Variants in CACNA1E observed in about 807,000 individuals in gnomAD.
CACNA1E encodes calcium voltage-gated channel subunit alpha1 E.
A neutral mutation model predicts 259.2 loss-of-function variants in CACNA1E; 40 were observed. The ratio of observed to expected loss-of-function variants is 0.15; its 90% CI spans 0.12 to 0.20. CACNA1E has a LOEUF of 0.20. CACNA1E is among the 10% of genes least tolerant of loss of function. The pLI is 1.00. For synonymous variants in CACNA1E, 1,104 were observed against 1,138.5 expected (o/e 0.97, Z 0.61); for missense variants, 1,874 against 3,040.1 (o/e 0.62, Z 9.02).
chr1:181,686,275 G>GTTTTTTTTTTTTT lies in CACNA1E; in HGVS notation c.1056-24663_1056-24651dup, dbSNP rs66526388. Among the ~76,000 whole-genome samples the GTTTTTTTTTTTTT allele has an allele frequency of 1.2e-3, 73 of 58,664 alleles. 1 individual carries two copies. Among genetic ancestry groups the GTTTTTTTTTTTTT allele is most frequent in the Non-Finnish European group, 1.5e-3 (47 of 31,664 alleles). 38.5% of individuals were successfully genotyped at this position (58,664 alleles called of 152,430 possible). A position where few individuals can be genotyped will look rare whatever the true frequency, so the allele number is the denominator to read the frequency against. On this transcript the variant is annotated intron_variant, in intron 7 of 47. Coordinates refer to ENST00000367573, the MANE Select transcript of CACNA1E (RefSeq NM_001205293.3). ...AGGCTTGGAGGCCAGTAAGAACCAA[G>GTTTTTTTTTTTTT]TTTTTTTTTTTTTTTTTTTTTTTTT... is the stretch of plus-strand genomic sequence containing the variant.
intron 6 of CACNA1E, among the ~76,000 whole-genome samples, chr1:181,648,578 A>C (rs1658491187): frequency 6.6e-6 from 1 of 152,202 alleles, no homozygotes; most frequent in Admixed American, 6.5e-5. Context: ...AGAAAATATA[A>C]TCTGCTGTTT....
chr1:181,714,455 T>C (rs1572680074), intron 8 of CACNA1E, among the ~76,000 whole-genome samples: 1 of 152,256 alleles, frequency 6.6e-6, no homozygotes, highest in East Asian at 1.9e-4. Flanking sequence ...ACATTTAGCA[T>C]GCCCATCATT....
chr1:181,613,976 G>A (rs558823940), intron 6 of CACNA1E, among the ~76,000 whole-genome samples: 1 of 151,958 alleles, frequency 6.6e-6, no homozygotes, highest in East Asian at 1.9e-4. Flanking sequence ...ATCCTTTGCT[G>A]GCATTAAAGT....
intron 37 of CACNA1E, among the ~76,000 whole-genome samples, chr1:181,773,824 G>A (rs1659735130): frequency 6.6e-6 from 1 of 152,204 alleles, no homozygotes; most frequent in African/African-American, 2.4e-5. Context: ...AGATATAACT[G>A]GAAATTAATT....
At chr1:181,632,371 A>G (rs1389276821) in intron 6 of CACNA1E, among the ~76,000 whole-genome samples, 1 of 152,120 alleles carries the variant, frequency 6.6e-6, no homozygotes, top group East Asian at 1.9e-4. Flanking sequence ...AAGTGCTGCC[A>G]CTGGCTCTCT....
At chr1:181,428,770 G>A (rs67286802) in intron 2 of CACNA1E, among the ~76,000 whole-genome samples, 60,298 of 151,680 alleles carry the variant, frequency 0.4, 12,224 homozygotes, top group African/African-American at 0.46. Context: ...GACTGATTGC[G>A]TATCAATATT....
At chr1:181,514,639 G>A (rs904179256) in intron 3 of CACNA1E, among the ~76,000 whole-genome samples, 3 of 151,958 alleles carry the variant, frequency 2.0e-5, no homozygotes, top group Non-Finnish European at 4.4e-5. Flanking sequence ...TGCACAGGAG[G>A]AATGACAGGT....
intron 3 of CACNA1E, among the ~76,000 whole-genome samples, chr1:181,548,103 C>G (rs901562156): frequency 5.3e-5 from 8 of 150,860 alleles, no homozygotes; most frequent in African/African-American, 1.9e-4. Context: ...ATACTTTCCC[C>G]TCTGTTCCCA....
At chr1:181,523,477 G>C (rs1387661452) in intron 3 of CACNA1E, among the ~76,000 whole-genome samples, 1 of 152,066 alleles carries the variant, frequency 6.6e-6, no homozygotes, top group Non-Finnish European at 1.5e-5. Context: ...TAAGAATTTG[G>C]GCTTCATAGA....
chr1:181,457,585 G>A (rs953469247), intron 2 of CACNA1E, among the ~76,000 whole-genome samples: 1 of 152,192 alleles, frequency 6.6e-6, no homozygotes, highest in African/African-American at 2.4e-5. Flanking sequence ...TGCAGGGGGA[G>A]CCTAGCAGAT....
Position 181,717,153 on chromosome 1 carries a change from G to C in CACNA1E, c.1376G>C (p.Arg459Pro). The C allele has an allele frequency of 3.1e-6, 5 of 1,613,988 alleles. No homozygotes were observed. The highest frequency in any genetic ancestry group is 4.2e-6 in the Non-Finnish European group (5 of 1,179,894). ...AAGGTAGACGGGGTCTCTTATTTCCGGCACAAGGAAAGGCTTCTGCGCATC... is the reference window on the plus strand; with the variant it reads ...AAGGTAGACGGGGTCTCTTATTTCCCGCACAAGGAAAGGCTTCTGCGCATC... ...SAKVDGVSYFRHKERLLRISI... is the reference protein window; with the variant it reads ...SAKVDGVSYFPHKERLLRISI... Residue 459 changes from arginine to proline, a missense_variant, in exon 11 of 48, where the codon CGG becomes CCG. Arg to Pro is a moderately radical substitution (Grantham distance 103, BLOSUM62 -2). This residue lies in a region of CACNA1E where 157 missense variants were observed against 203.5 expected (regional missense o/e 0.77). Transcript: ENST00000367573.
chr1:181,590,237 G>A (rs1327167174), intron 6 of CACNA1E, among the ~76,000 whole-genome samples: 2 of 151,648 alleles, frequency 1.3e-5, no homozygotes, highest in Non-Finnish European at 2.9e-5. Context: ...CCTTTAAGGT[G>A]CCAGGTACTA....
At chr1:181,688,040 AAT>A (rs1044414952) in intron 7 of CACNA1E, among the ~76,000 whole-genome samples, 2 of 152,000 alleles carry the variant, frequency 1.3e-5, no homozygotes, top group Non-Finnish European at 2.9e-5. Context: ...TACACAAAAG[AAT>A]ATATATATAT....
Position 181,648,364 on chromosome 1 carries a change from G to A in CACNA1E, c.952-2974G>A, listed in dbSNP as rs968529580. ...AATGCTGAATCAAAAGACACTGCTCGTCATTGGTTTTTTATAGAATTGAGA... is the reference window on the plus strand; with the variant it reads ...AATGCTGAATCAAAAGACACTGCTCATCATTGGTTTTTTATAGAATTGAGA... On this transcript the variant is annotated intron_variant, in intron 6 of 47. Transcript: ENST00000367573. 3.3e-5 allele frequency among the ~76,000 whole-genome samples: 5 copies of A among 152,168 alleles called. No homozygotes were observed. In the South Asian group the frequency reaches 8.3e-4, roughly 25 times the overall value.
intron 3 of CACNA1E, among the ~76,000 whole-genome samples, chr1:181,560,364 C>G (rs1422739681): frequency 6.6e-6 from 1 of 151,850 alleles, no homozygotes; most frequent in Non-Finnish European, 1.5e-5. Context: ...ATCACTGTTA[C>G]CATTTTGGTA....
At chr1:181,797,902 T>C (rs1412958635) in intron 47 of CACNA1E, among the ~76,000 whole-genome samples, 2 of 152,188 alleles carry the variant, frequency 1.3e-5, no homozygotes, top group South Asian at 4.1e-4. Context: ...GTTTAAAGTC[T>C]CTCTTTTAGT....
chr1:181,776,021 A>C lies in CACNA1E; in HGVS notation c.5140-80A>C. ...CTCGTTTGCTAAAACACCCTCCTCC[A>C]TGCCCTGAAGCCTGTTCTTCTGCTT... On this transcript the variant is annotated intron_variant, in intron 37 of 47. Transcript: ENST00000367573. This position sits in a 1 kb window ranked among gnomAD's most constrained non-coding sequence, Gnocchi z 4.4. The C allele has an allele frequency of 7.3e-7, 1 of 1,375,100 alleles. No individual in the cohort carries two copies. The highest frequency in any genetic ancestry group is 1.3e-5 in the South Asian group (1 of 75,450). The allele number at this position is 1,375,100 out of a possible 1,614,324, so 85.2% of individuals were successfully genotyped here. A position where few individuals can be genotyped will look rare whatever the true frequency, so the allele number is the denominator to read the frequency against.
chr1:181,496,390 A>G lies in CACNA1E; in HGVS notation c.266+12380A>G, dbSNP rs143238820. On this transcript the variant is annotated intron_variant, in intron 1 of 47. Coordinates refer to ENST00000367573, the MANE Select transcript of CACNA1E (RefSeq NM_001205293.3). ...GTAGCAAAAAATTTCAGATGGCTTG[A>G]TGGATGGCATGTAGAAGGATCCCCT... is the stretch of plus-strand genomic sequence containing the variant. Among the ~76,000 whole-genome samples, 990 of 152,296 alleles carry G rather than the reference A, an allele frequency of 6.5e-3. 8 individuals are homozygous for G. The highest frequency in any genetic ancestry group is 0.022 in the African/African-American group (913 of 41,552).
chr1:181,610,059 C>T (rs547352966), intron 6 of CACNA1E, among the ~76,000 whole-genome samples: 67 of 152,264 alleles, frequency 4.4e-4, no homozygotes, highest in African/African-American at 1.3e-3. Context: ...TGGTGAAGAA[C>T]GGTGGGAAAA....
Sources: allele counts gnomAD v4.1 joint callset (sites outside exome capture counted in the v4.1 genomes callset), GRCh38; gene constraint gnomAD v4.1.1; regional missense constraint gnomAD v4.1.1; non-coding constraint Gnocchi (gnomAD v3.1); transcripts MANE v1.5; gene names NCBI Gene and HGNC (gene_info 2026-07-23, HGNC 2026-07-21).